KLF17: variants seen among roughly 807,000 people sequenced by gnomAD.
The protein encoded by KLF17 is Krueppel-like factor 17.
KLF17 carries 31 observed loss-of-function variants against 34.2 expected under a neutral mutation model. That is an observed-to-expected ratio of 0.91 (90% CI 0.68 to 1.22). KLF17 has a LOEUF of 1.22. KLF17 is among the 50% of genes most tolerant of loss of function. KLF17 has a pLI of 0.00. For synonymous variants in KLF17, 179 were observed against 186.7 expected, an observed-to-expected ratio of 0.96 and a Z score of 0.34; for missense variants, 478 against 505.2, an observed-to-expected ratio of 0.95 and a Z score of 0.52.
intron 3 of KLF17, among the ~76,000 whole-genome samples, chr1:44,132,416 C>T: frequency 6.6e-6 from 1 of 152,168 alleles, no homozygotes; most frequent in East Asian, 1.9e-4. Context: ...CACCAACTCT[C>T]CAAAACAGTA....
chr1:44,073,209 CTT>C, the KLF17 span, among the ~76,000 whole-genome samples: 14 of 137,732 alleles, frequency 1.0e-4, no homozygotes, highest in Non-Finnish European at 6.2e-5. Flanking sequence ...TCTTCTTCTT[CTT>C]TTTTTTTTTT....
At chr1:44,071,097 T>C in the KLF17 span, among the ~76,000 whole-genome samples, 20,108 of 152,094 alleles carry the variant, frequency 0.13, 1,565 homozygotes, top group African/African-American at 0.22. Context: ...CTCCCGAGGT[T>C]ACCAATGAGC....
the KLF17 span, among the ~76,000 whole-genome samples, chr1:44,103,144 G>A: frequency 6.6e-6 from 1 of 152,244 alleles, no homozygotes; most frequent in African/African-American, 2.4e-5. Context: ...ACATGGGCAA[G>A]GGGGTATCCC....
At position 44,129,018 on chromosome 1, in the gene KLF17, A is replaced by G. The variant is rs112349062; in HGVS notation, c.82-335A>G. 3.8e-3 allele frequency among the ~76,000 whole-genome samples: 555 copies of G among 144,916 alleles called. 6 individuals are homozygous for G. The highest frequency in any genetic ancestry group is 0.015 in the African/African-American group (533 of 34,808). On this transcript the variant is annotated intron_variant, in intron 1 of 3. Coordinates refer to ENST00000372299, the MANE Select transcript of KLF17 (RefSeq NM_173484.4). ...CAAGAGCGAAACTCCGTCTCAATAAAAAGAAAAAAAAAAACTGGAGTTTGA... is the reference window on the plus strand; with the variant it reads ...CAAGAGCGAAACTCCGTCTCAATAAGAAGAAAAAAAAAAACTGGAGTTTGA...
the KLF17 span, among the ~76,000 whole-genome samples, chr1:44,094,907 CTT>C: frequency 1.4e-5 from 2 of 140,956 alleles, no homozygotes; most frequent in Non-Finnish European, 1.5e-5. Context: ...TTATTTATAT[CTT>C]TTTTTTTTTT....
intron 3 of KLF17, among the ~76,000 whole-genome samples, 161 bp from the exon 4 acceptor site, chr1:44,133,077 G>C (rs76733272): frequency 1.3e-5 from 2 of 152,186 alleles, no homozygotes; most frequent in Admixed American, 6.5e-5. Flanking sequence ...TCAAGGGACC[G>C]TCTTGATCTG....
the KLF17 span, among the ~76,000 whole-genome samples, chr1:44,109,921 C>CG: frequency 1.1e-4 from 4 of 35,948 alleles, no homozygotes; most frequent in South Asian, 6.9e-4. Flanking sequence ...TTTTTTTTTG[C>CG]GGGGGGGACA....
At chr1:44,069,089 A>G in the KLF17 span, among the ~76,000 whole-genome samples, 3 of 152,098 alleles carry the variant, frequency 2.0e-5, no homozygotes, top group Non-Finnish European at 4.4e-5. The surrounding 1 kb of genome is among the most constrained non-coding windows in gnomAD (Gnocchi z 4.7). Flanking sequence ...TGGAGAGGTA[A>G]AAGTCTGCAA....
At chr1:44,085,561 G>C in the KLF17 span, among the ~76,000 whole-genome samples, 3 of 152,102 alleles carry the variant, frequency 2.0e-5, no homozygotes, top group Non-Finnish European at 4.4e-5. Context: ...GGGAGACCAA[G>C]GTGGGAGGAT....
the KLF17 span, chr1:44,075,113 G>GCGCA: frequency 6.8e-6 from 1 of 146,418 alleles, no homozygotes; most frequent in South Asian, 2.2e-4. Flanking sequence ...CTAACAAAAT[G>GCGCA]CACACACACA....
At chr1:44,124,032 G>A (rs918648768) in intron 1 of KLF17, among the ~76,000 whole-genome samples, 6 of 151,664 alleles carry the variant, frequency 4.0e-5, no homozygotes, top group African/African-American at 9.7e-5. Context: ...GAACACTTTC[G>A]AAGAATGGAT....
the KLF17 span, among the ~76,000 whole-genome samples, chr1:44,101,962 G>C: frequency 6.6e-6 from 1 of 152,158 alleles, no homozygotes; most frequent in Non-Finnish European, 1.5e-5. Context: ...GCTGAGGTGG[G>C]AGGATCACCT....
chr1:44,130,716 A>T lies in KLF17; in HGVS notation c.1130A>T (p.Asn377Ile). 1 of 1,614,160 alleles carries T rather than the reference A, an allele frequency of 6.2e-7. No individual in the cohort carries two copies. Residue 377 changes from asparagine to isoleucine, a missense_variant, in exon 3 of 4, where the codon AAC (asparagine) becomes ATC (isoleucine). By Grantham distance (149) the Asn-to-Ile change is moderately radical. Coordinates refer to ENST00000372299, the MANE Select transcript of KLF17 (RefSeq NM_173484.4). ...CCCTCAGACCCACAGGCCAACAACA[A>T]CAATGGAGAGCAGGACAGTCCTCCT... Reference protein sequence around the residue: ...PGPSDPQANNNNGEQDSPPAA... With the variant: ...PGPSDPQANNINGEQDSPPAA...
chr1:44,048,811 T>C, the KLF17 span, among the ~76,000 whole-genome samples: 1 of 149,222 alleles, frequency 6.7e-6, no homozygotes, highest in South Asian at 2.1e-4. Context: ...TTTAGTTTGA[T>C]AATGATTAGT....
intron 3 of KLF17, among the ~76,000 whole-genome samples, chr1:44,132,246 C>T (rs1370416196): frequency 6.6e-6 from 1 of 152,028 alleles, no homozygotes; most frequent in Non-Finnish European, 1.5e-5. Flanking sequence ...GTGGAGGTTG[C>T]GGTGAGCCAA....
the KLF17 span, among the ~76,000 whole-genome samples, chr1:44,069,635 C>A: frequency 6.6e-6 from 1 of 152,216 alleles, no homozygotes; most frequent in East Asian, 1.9e-4. This position sits in a 1 kb window ranked among gnomAD's most constrained non-coding sequence, Gnocchi z 4.7. Flanking sequence ...GACCTAAACA[C>A]CTCCCACTAG....
chr1:44,079,163 T>C, the KLF17 span, among the ~76,000 whole-genome samples: 1 of 152,162 alleles, frequency 6.6e-6, no homozygotes, highest in Non-Finnish European at 1.5e-5. Flanking sequence ...ATTCCAAGCT[T>C]ACTCCTTTCC....
chr1:44,101,205 T>C, the KLF17 span, among the ~76,000 whole-genome samples: 3 of 152,182 alleles, frequency 2.0e-5, no homozygotes, highest in Non-Finnish European at 2.9e-5. Flanking sequence ...TATATCTTTA[T>C]CTCAAAATAC....
intron 1 of KLF17, among the ~76,000 whole-genome samples, chr1:44,128,107 GTC>G (rs781489660): frequency 9.9e-5 from 15 of 152,042 alleles, no homozygotes; most frequent in Non-Finnish European, 1.9e-4. Flanking sequence ...TTGAGACAGA[GTC>G]TCACTCTGTC....
Sources: gnomAD v4.1 joint callset for allele counts (sites outside exome capture counted in the v4.1 genomes callset) on GRCh38, gnomAD v4.1.1 for gene constraint, Gnocchi (gnomAD v3.1) non-coding constraint, MANE v1.5 for transcripts, NCBI Gene and HGNC (gene_info 2026-07-23, HGNC 2026-07-21) for gene names.